Variants in MYH11 observed in about 807,000 individuals in gnomAD.
The protein encoded by MYH11 is myosin heavy chain 11, also known as myosin-11.
In MYH11, 80 loss-of-function variants were observed where a neutral mutation model predicts 246.6. The ratio of observed to expected loss-of-function variants is 0.32; its 90% CI spans 0.27 to 0.39. The LOEUF (loss-of-function observed/expected upper bound fraction) is 0.39. Ranked by LOEUF, MYH11 falls within the 10% of genes least tolerant of loss-of-function variation. The probability of loss-of-function intolerance (pLI) is 1.00; values close to 1 mark genes in which losing one functional copy is unlikely to be tolerated. For missense variants in MYH11, 2,158 were observed against 2,546.8 expected, an observed-to-expected ratio of 0.85 and a Z score of 3.29; for synonymous variants, 1,071 against 1,015.5, an observed-to-expected ratio of 1.05 and a Z score of -1.04.
At position 15,735,530 on chromosome 16, in the gene MYH11, C is replaced by G. The variant is rs781053281; in HGVS notation, c.3342G>C (p.Arg1114=). ...AQKNNALKKI[R]ELEGHISDLQ... ...GGTCTGAGATGTGGCCCTCCAGCTC[C>G]CGGATCTTCTTCAGGGCATTGTTCT... is the stretch of plus-strand genomic sequence containing the variant. The change falls in exon 26 of 41, where the codon CGG becomes CGC. Residue 1114 remains arginine, a synonymous_variant. Transcript: ENST00000300036. The G allele has an allele frequency of 4.3e-6, 7 of 1,614,058 alleles. No homozygotes were observed. The African/African-American group carries it at 5.3e-5, about 12-fold the overall frequency.
Position 15,737,577 on chromosome 16 carries a change from C to T in MYH11, c.3165G>A (p.Lys1055=), listed in dbSNP as rs1328609476. The T allele has an allele frequency of 3.0e-5, 49 of 1,613,730 alleles. No homozygotes were observed. Among genetic ancestry groups the T allele is most frequent in the Non-Finnish European group, 4.0e-5 (47 of 1,180,030 alleles). ...KEEKSRQELE[K]LKRKLEGDAS... is the part of the protein sequence containing the mutation. ...CATCACCCTCCAGCTTCCGTTTCAG[C>T]TTCTCCAGCTCCTGTCGGCTCTTCT... is the stretch of plus-strand genomic sequence containing the variant. The change falls in exon 25 of 41, where the codon AAG becomes AAA. Residue 1055 remains lysine, a synonymous_variant. Transcript: ENST00000300036.
chr16:15,839,235 T>C (rs1249524874), intron 1 of MYH11, among the ~76,000 whole-genome samples: 2 of 151,598 alleles, frequency 1.3e-5, no homozygotes, highest in East Asian at 2.0e-4. Context: ...ACCCAAGGTA[T>C]ATAACTGGAA....
rs574348179 is a variant in MYH11 at position 15,703,835 on chromosome 16, G to A, written c.*156C>T. 7.1e-6 allele frequency: 7 copies of A among 979,990 alleles called. No individual in the cohort carries two copies. The East Asian group carries it at 1.2e-4, about 17-fold the overall frequency. 60.7% of individuals were successfully genotyped at this position (979,990 alleles called of 1,614,324 possible). A position where few individuals can be genotyped will look rare whatever the true frequency, so the allele number is the denominator to read the frequency against. The stretch of plus-strand genomic sequence containing the variant: ...GTGGTTTTTATATTCCTTGTGTGAG[G>A]GGTGTCTGTGATATTTGGAATTTGA... On this transcript the variant is annotated 3_prime_UTR_variant, in exon 41 of 41. Coordinates refer to ENST00000300036, the MANE Select transcript of MYH11 (RefSeq NM_002474.3).
At position 15,750,177 on chromosome 16, in the gene MYH11, G is replaced by T; in HGVS notation, c.2019C>A (p.Pro673=). ...TGGGGATGATGCAGCGCACGAAGTT[G>T]GGCGTGGTGTTGCGTAGCGTGGTCA... ...KLMTTLRNTT[P]NFVRCIIPNH... is the part of the protein sequence containing the mutation. Residue 673 remains proline (P), a synonymous_variant, in exon 16 of 41, where the codon CCC becomes CCA. Coordinates refer to ENST00000300036, the MANE Select transcript of MYH11 (RefSeq NM_002474.3). This position sits in a 1 kb window ranked among gnomAD's most constrained non-coding sequence, Gnocchi z 4.3. 2.5e-6 allele frequency: 4 copies of T among 1,614,248 alleles called. No individual in the cohort carries two copies. The highest frequency in any genetic ancestry group is 3.4e-6 in the Non-Finnish European group (4 of 1,180,044).
chr16:15,844,079 A>G (rs2044125880), intron 1 of MYH11, among the ~76,000 whole-genome samples: 1 of 152,162 alleles, frequency 6.6e-6, no homozygotes, highest in Non-Finnish European at 1.5e-5. Flanking sequence ...TGCCGTTACC[A>G]CTAATGACAT....
rs141262029 is a variant in MYH11 at position 15,724,199 on chromosome 16, C to T, written c.4327G>A (p.Val1443Met). Residue 1443 changes from valine to methionine, a missense_variant, in exon 31 of 41, where the codon GTG becomes ATG. Val to Met is a conservative substitution (Grantham distance 21). Transcript: ENST00000300036. ...CTCTGCTTCTTTTCCAGGTTGGACA[C>T]GAGTTGCCGCTGGTTGTCCAAATCA... ...VVDLDNQRQL[V>M]SNLEKKQRKF... The T allele has an allele frequency of 2.9e-5, 47 of 1,613,956 alleles. No homozygotes were observed. The highest frequency in any genetic ancestry group is 8.9e-5 in the East Asian group (4 of 44,902).
chr16:15,720,386 C>T, intron 33 of MYH11, 74 bp from the exon 34 acceptor site: 1 of 1,539,246 alleles, frequency 6.5e-7, no homozygotes. Context: ...GGCAGCACAT[C>T]ACTGCACCCC....
intron 40 of MYH11, chr16:15,713,907 C>G (rs761986506): frequency 3.9e-5 from 6 of 152,372 alleles, no homozygotes; most frequent in African/African-American, 4.8e-5. Flanking sequence ...GGGTCAGAGG[C>G]TGATGGCATT....
intron 9 of MYH11, among the ~76,000 whole-genome samples, chr16:15,766,218 A>G (rs2041976557): frequency 6.6e-6 from 1 of 152,182 alleles, no homozygotes; most frequent in African/African-American, 2.4e-5. Flanking sequence ...CCACAAACCC[A>G]TCTGAAGGGG....
At chr16:15,716,170 G>C (rs1354041382) in intron 38 of MYH11, among the ~76,000 whole-genome samples, 5 of 151,952 alleles carry the variant, frequency 3.3e-5, no homozygotes, top group Admixed American at 3.3e-4. Flanking sequence ...CTCAAGTGCT[G>C]CTCCCACCTA....
At chr16:15,840,140 C>T (rs1419847248) in intron 1 of MYH11, among the ~76,000 whole-genome samples, 1 of 152,048 alleles carries the variant, frequency 6.6e-6, no homozygotes, top group East Asian at 1.9e-4. Flanking sequence ...TAAGAGGCAC[C>T]ACCTTTCGGG....
At chr16:15,853,156 T>C (rs1200845865) in intron 1 of MYH11, among the ~76,000 whole-genome samples, 1 of 151,876 alleles carries the variant, frequency 6.6e-6, no homozygotes. Context: ...GCCCCTCACC[T>C]TTTTTTTGAG....
At chr16:15,813,104 T>G (rs919905519) in intron 3 of MYH11, among the ~76,000 whole-genome samples, 1 of 149,108 alleles carries the variant, frequency 6.7e-6, no homozygotes, top group Non-Finnish European at 1.5e-5. Context: ...GAGGTGGAGG[T>G]TGCAGTGAGC....
At chr16:15,764,274 C>T (rs1393750252) in intron 9 of MYH11, among the ~76,000 whole-genome samples, 1 of 152,130 alleles carries the variant, frequency 6.6e-6, no homozygotes, top group Admixed American at 6.6e-5. Context: ...CTATCTGACC[C>T]TTTACAGAAA....
chr16:15,841,932 A>C (rs1419839889), intron 1 of MYH11, among the ~76,000 whole-genome samples: 1 of 152,246 alleles, frequency 6.6e-6, no homozygotes, highest in East Asian at 1.9e-4. Context: ...GACAGAATAA[A>C]GACCCATGTC....
At chr16:15,813,496 T>A (rs2043187538) in intron 3 of MYH11, among the ~76,000 whole-genome samples, 1 of 152,134 alleles carries the variant, frequency 6.6e-6, no homozygotes, top group Admixed American at 6.5e-5. Context: ...AGGTTTGTGG[T>A]AAAGATTAAC....
intron 1 of MYH11, among the ~76,000 whole-genome samples, chr16:15,840,508 G>A (rs2044025511): frequency 6.6e-6 from 1 of 152,134 alleles, no homozygotes; most frequent in African/African-American, 2.4e-5. Context: ...GAGACAGGAG[G>A]ATCCCTTGAG....
chr16:15,730,810 C>T (rs1367727697), intron 27 of MYH11, among the ~76,000 whole-genome samples: 1 of 152,170 alleles, frequency 6.6e-6, no homozygotes, highest in Non-Finnish European at 1.5e-5. Flanking sequence ...AGCACAGGCA[C>T]TACCCCAAAG....
At chr16:15,822,995 C>G (rs2043454601) in intron 3 of MYH11, among the ~76,000 whole-genome samples, 2 of 152,278 alleles carry the variant, frequency 1.3e-5, no homozygotes, top group African/African-American at 2.4e-5. Context: ...GACAGCTGGC[C>G]CGACGGGGAC....
Sources: gnomAD v4.1 joint callset for allele counts (sites outside exome capture counted in the v4.1 genomes callset) on GRCh38, gnomAD v4.1.1 for gene constraint, Gnocchi (gnomAD v3.1) non-coding constraint, MANE v1.5 for transcripts, NCBI Gene and HGNC (gene_info 2026-07-23, HGNC 2026-07-21) for gene names.